AMPH: variants seen among roughly 807,000 people sequenced by gnomAD.
AMPH encodes the protein amphiphysin (Stiff-Mann syndrome with breast cancer 128kD autoantigen).
Under a neutral mutation model 99.1 loss-of-function variants are expected in AMPH, and 49 were observed. That is an observed-to-expected ratio of 0.49 (90% CI 0.39 to 0.63). The LOEUF is 0.63. Among genes scored for constraint, AMPH ranks in the 20% least tolerant of loss-of-function variants. The probability of loss-of-function intolerance (pLI) is 0.00; values close to 1 mark genes in which losing one functional copy is unlikely to be tolerated. For synonymous variants in AMPH, 314 were observed against 317.3 expected, an observed-to-expected ratio of 0.99 and a Z score of 0.11; for missense variants, 759 against 863.4, an observed-to-expected ratio of 0.88 and a Z score of 1.52.
At chr7:38,520,529 T>C (rs1453439760) in intron 2 of AMPH, among the ~76,000 whole-genome samples, 1 of 152,192 alleles carries the variant, frequency 6.6e-6, no homozygotes, top group African/African-American at 2.4e-5. Context: ...TTTGTAAAAA[T>C]GACTAAACGT....
intron 14 of AMPH, among the ~76,000 whole-genome samples, 154 bp from the exon 15 acceptor site, chr7:38,427,140 A>G (rs764312094): frequency 2.0e-5 from 3 of 151,756 alleles, no homozygotes; most frequent in Non-Finnish European, 4.4e-5. Flanking sequence ...TAGGAAATGC[A>G]AAGGCCACAC....
At chr7:38,439,264 G>C (rs899938785) in intron 11 of AMPH, among the ~76,000 whole-genome samples, 1 of 152,146 alleles carries the variant, frequency 6.6e-6, no homozygotes, top group Non-Finnish European at 1.5e-5. Flanking sequence ...TTATAGCAGT[G>C]TGAAAATGGA....
rs749313121 is a variant in AMPH, at chr7:38,384,803, G to A, written c.*15C>T. 1.2e-6 allele frequency: 2 copies of A among 1,605,278 alleles called. No homozygotes were observed. Among genetic ancestry groups the A allele is most frequent in the Non-Finnish European group, 8.5e-7 (1 of 1,172,218 alleles). ...AAACCCCGTAACTGAGCTCCTTCTT[G>A]CAGTACTTGTTGCCCTAATCTAAGC... On this transcript the variant is annotated 3_prime_UTR_variant, in exon 21 of 21. Transcript: ENST00000356264.
chr7:38,445,489 C>T (rs1270009143), intron 11 of AMPH, among the ~76,000 whole-genome samples: 1 of 152,078 alleles, frequency 6.6e-6, no homozygotes, highest in Non-Finnish European at 1.5e-5. Flanking sequence ...AAGCCACATG[C>T]TGGGAGACAG....
At chr7:38,441,393 T>C (rs995438027) in intron 11 of AMPH, among the ~76,000 whole-genome samples, 4 of 152,122 alleles carry the variant, frequency 2.6e-5, no homozygotes, top group Admixed American at 1.3e-4. Context: ...TTTACACTTA[T>C]AACATTCTAT....
At chr7:38,585,273 C>A (rs1792604305) in intron 1 of AMPH, among the ~76,000 whole-genome samples, 1 of 152,154 alleles carries the variant, frequency 6.6e-6, no homozygotes, top group Admixed American at 6.5e-5. Flanking sequence ...GTGCCAGACT[C>A]AGGTCTGACT....
At chr7:38,584,267 C>T (rs1034183023) in intron 1 of AMPH, among the ~76,000 whole-genome samples, 2 of 152,164 alleles carry the variant, frequency 1.3e-5, no homozygotes, top group Admixed American at 6.5e-5. Flanking sequence ...CAGGGGATAA[C>T]AAGCTATTCC....
chr7:38,571,742 G>A (rs1474628603), intron 1 of AMPH, among the ~76,000 whole-genome samples: 1 of 151,672 alleles, frequency 6.6e-6, no homozygotes, highest in African/African-American at 2.4e-5. Context: ...AGAAAGAGAA[G>A]TATGATTTTG....
chr7:38,568,700 A>G (rs1188790081), intron 1 of AMPH, among the ~76,000 whole-genome samples: 2 of 152,210 alleles, frequency 1.3e-5, no homozygotes, highest in African/African-American at 4.8e-5. Context: ...GGGCAGGCAC[A>G]GAAGTGCAGG....
intron 1 of AMPH, among the ~76,000 whole-genome samples, chr7:38,574,140 C>T (rs142827139): frequency 6.7e-4 from 102 of 152,340 alleles, no homozygotes; most frequent in African/African-American, 2.3e-3. Context: ...ACCCTAGCAA[C>T]ATTACTGAAT....
intron 16 of AMPH, chr7:38,421,130 C>G (rs1785567752): frequency 2.2e-6 from 1 of 450,076 alleles, no homozygotes; most frequent in Non-Finnish European, 4.5e-6. Flanking sequence ...TACATACAAA[C>G]AGAAGAGAAA....
intron 2 of AMPH, among the ~76,000 whole-genome samples, chr7:38,517,719 C>T (rs1404273448): frequency 1.3e-5 from 2 of 152,090 alleles, no homozygotes; most frequent in Non-Finnish European, 1.5e-5. Context: ...CTTAAATATG[C>T]AATTTATAAT....
chr7:38,410,994 G>A (rs915948514), intron 17 of AMPH, among the ~76,000 whole-genome samples: 1 of 152,184 alleles, frequency 6.6e-6, no homozygotes. Context: ...GATGTGATAT[G>A]AGACGTGTTG....
chr7:38,629,751 A>G (rs976125269), intron 1 of AMPH, among the ~76,000 whole-genome samples: 4 of 152,182 alleles, frequency 2.6e-5, no homozygotes, highest in African/African-American at 9.6e-5. Context: ...GTGTGGAAAA[A>G]GGATGACAAA....
At chr7:38,610,289 AAAG>A (rs1490242001) in intron 1 of AMPH, among the ~76,000 whole-genome samples, 4 of 26,158 alleles carry the variant, frequency 1.5e-4, no homozygotes, top group African/African-American at 7.5e-4. Context: ...AGAAAGAAAG[AAAG>A]AAAGAAAAGA....
chr7:38,412,062 G>A (rs1320516349), intron 17 of AMPH, among the ~76,000 whole-genome samples: 1 of 152,142 alleles, frequency 6.6e-6, no homozygotes, highest in Admixed American at 6.5e-5. Flanking sequence ...CACATTGGCA[G>A]GTACCAAGGG....
chr7:38,436,329 G>C lies in AMPH; in HGVS notation c.1077C>G (p.Phe359Leu), dbSNP rs773352593. The C allele has an allele frequency of 6.2e-7, 1 of 1,614,054 alleles. No individual in the cohort carries two copies. Among genetic ancestry groups the C allele is most frequent in the East Asian group, 2.2e-5 (1 of 44,898 alleles). Residue 359 changes from phenylalanine (F) to leucine (L), a missense_variant, in exon 12 of 21, where the codon TTC becomes TTG. Physicochemically the swap from Phe to Leu is conservative, Grantham distance 22. Transcript: ENST00000356264. ...ETLLDLDFDP[F>L]KPEVTPAGSA... is the part of the protein sequence containing the mutation. ...AACCTGCAGGTGTCACCTCGGGCTT[G>C]AAAGGATCAAAGTCCAGATCCAGCA...
At chr7:38,526,356 G>A (rs1246705539) in intron 2 of AMPH, among the ~76,000 whole-genome samples, 4 of 144,838 alleles carry the variant, frequency 2.8e-5, no homozygotes, top group African/African-American at 7.7e-5. Flanking sequence ...TGCAACCTCC[G>A]CCTCCAGGGT....
At chr7:38,569,086 GT>G (rs1338523576) in intron 1 of AMPH, among the ~76,000 whole-genome samples, 2 of 152,094 alleles carry the variant, frequency 1.3e-5, no homozygotes, top group African/African-American at 2.4e-5. Context: ...GAAGCTACAT[GT>G]TTTAACATTA....
Sources: allele counts gnomAD v4.1 joint callset (sites outside exome capture counted in the v4.1 genomes callset), GRCh38; gene constraint gnomAD v4.1.1; transcripts MANE v1.5; gene names NCBI Gene and HGNC (gene_info 2026-07-23, HGNC 2026-07-21).